KAZN: variants seen among roughly 807,000 people sequenced by gnomAD.
KAZN encodes the protein kazrin.
In KAZN, 40 loss-of-function variants were observed where a neutral mutation model predicts 87.4. That is an observed-to-expected ratio of 0.46 (90% CI 0.36 to 0.60). The LOEUF is 0.60. KAZN is among the 20% of genes least tolerant of loss of function. KAZN has a pLI of 0.00. For missense variants in KAZN, 898 were observed against 1,073.9 expected, an observed-to-expected ratio of 0.84 and a Z score of 2.29; for synonymous variants, 466 against 458.3, an observed-to-expected ratio of 1.02 and a Z score of -0.22.
At chr1:14,733,023 A>G (rs576907877) in intron 1 of KAZN, among the ~76,000 whole-genome samples, 20 of 152,120 alleles carry the variant, frequency 1.3e-4, no homozygotes, top group Non-Finnish European at 2.8e-4. Flanking sequence ...TTGGGAAGAA[A>G]TTCAAAAATG....
chr1:14,440,837 G>A (rs1447118405), intron 2 of KAZN, among the ~76,000 whole-genome samples: 3 of 152,164 alleles, frequency 2.0e-5, no homozygotes, highest in Non-Finnish European at 4.4e-5. Flanking sequence ...TGTTAAGTCA[G>A]GTGTCCAGGT....
At chr1:14,204,621 A>T (rs1031857669) in intron 2 of KAZN, among the ~76,000 whole-genome samples, 1 of 152,254 alleles carries the variant, frequency 6.6e-6, no homozygotes, top group Non-Finnish European at 1.5e-5. Context: ...ATATTTAGTC[A>T]TATGGCCTTA....
At chr1:14,139,517 G>T (rs1432231485) in intron 1 of KAZN, among the ~76,000 whole-genome samples, 1 of 152,254 alleles carries the variant, frequency 6.6e-6, no homozygotes, top group Non-Finnish European at 1.5e-5. Flanking sequence ...TTTTGTTGTT[G>T]TTCTTCCTCC....
chr1:14,173,992 A>T (rs1646013960), intron 1 of KAZN, among the ~76,000 whole-genome samples: 1 of 152,254 alleles, frequency 6.6e-6, no homozygotes, highest in South Asian at 2.1e-4. Flanking sequence ...GGTGACCAGC[A>T]TTGAATATTT....
intron 1 of KAZN, among the ~76,000 whole-genome samples, chr1:14,819,312 G>A (rs1212705700): frequency 6.6e-6 from 1 of 152,210 alleles, no homozygotes; most frequent in East Asian, 1.9e-4. Context: ...CTCTATGATA[G>A]TTAATTTACG....
intron 8 of KAZN, among the ~76,000 whole-genome samples, chr1:15,091,893 G>A (rs1323310834): frequency 6.6e-6 from 1 of 152,054 alleles, no homozygotes; most frequent in Admixed American, 6.6e-5. Context: ...ATTCTCCCCA[G>A]CACAGAAAGG....
chr1:14,926,160 C>T (rs1659149807), intron 1 of KAZN, among the ~76,000 whole-genome samples: 1 of 152,194 alleles, frequency 6.6e-6, no homozygotes, highest in Admixed American at 6.5e-5. Flanking sequence ...GATTGTGGCG[C>T]TCTCTGCTCC....
chr1:14,545,382 G>C (rs1157159315), intron 2 of KAZN, among the ~76,000 whole-genome samples: 1 of 152,192 alleles, frequency 6.6e-6, no homozygotes, highest in African/African-American at 2.4e-5. Context: ...TTAATTGCAA[G>C]CTCTGGAGAC....
At chr1:14,414,074 A>G (rs1025210870) in intron 2 of KAZN, among the ~76,000 whole-genome samples, 3 of 152,238 alleles carry the variant, frequency 2.0e-5, no homozygotes, top group South Asian at 2.1e-4. Context: ...TCCAAGGCCC[A>G]TAACATGCTT....
chr1:14,290,065 TC>T (rs1653560290), intron 2 of KAZN, among the ~76,000 whole-genome samples: 1 of 152,212 alleles, frequency 6.6e-6, no homozygotes, highest in Admixed American at 6.5e-5. Context: ...CTGATGGGCT[TC>T]CCTTTGTGGG....
At chr1:14,953,998 G>T (rs1332776796) in intron 1 of KAZN, among the ~76,000 whole-genome samples, 1 of 152,234 alleles carries the variant, frequency 6.6e-6, no homozygotes, top group Non-Finnish European at 1.5e-5. Flanking sequence ...AAGGAGATGG[G>T]CTGCAGAAGG....
chr1:14,058,805 C>A (rs371155679), intron 1 of KAZN, among the ~76,000 whole-genome samples: 1 of 152,154 alleles, frequency 6.6e-6, no homozygotes, highest in Non-Finnish European at 1.5e-5. Flanking sequence ...GATATTTAAG[C>A]TAATATTTGC....
intron 2 of KAZN, among the ~76,000 whole-genome samples, chr1:14,201,737 C>T (rs184981595): frequency 8.1e-4 from 123 of 152,302 alleles, no homozygotes; most frequent in Non-Finnish European, 1.2e-3. Flanking sequence ...GGCAGGATCT[C>T]GGCTCACTGC....
At chr1:14,500,335 T>G (rs1355268517) in intron 2 of KAZN, among the ~76,000 whole-genome samples, 1 of 152,168 alleles carries the variant, frequency 6.6e-6, no homozygotes. Context: ...CAAACGTATT[T>G]GCACACAGAA....
chr1:14,828,067 G>T (rs903923326), intron 1 of KAZN, among the ~76,000 whole-genome samples: 2 of 152,200 alleles, frequency 1.3e-5, no homozygotes, highest in Non-Finnish European at 2.9e-5. Flanking sequence ...GCCCTCCCCT[G>T]CCTGTGGCAG....
At chr1:14,626,496 T>C (rs2148651412) in intron 1 of KAZN, among the ~76,000 whole-genome samples, 1 of 152,336 alleles carries the variant, frequency 6.6e-6, no homozygotes, top group East Asian at 1.9e-4. Flanking sequence ...CCAGGTCAAG[T>C]GCCTTGCCCG....
chr1:14,428,320 G>A (rs577022167), intron 2 of KAZN, among the ~76,000 whole-genome samples: 1 of 152,210 alleles, frequency 6.6e-6, no homozygotes, highest in East Asian at 1.9e-4. Flanking sequence ...GCATTCTGTA[G>A]GATATACCCT....
chr1:14,427,506 T>C (rs969950191), intron 2 of KAZN, among the ~76,000 whole-genome samples: 1 of 148,924 alleles, frequency 6.7e-6, no homozygotes, highest in Non-Finnish European at 1.5e-5. Flanking sequence ...CAAATACCTA[T>C]AATTTAAACA....
chr1:14,880,053 C>T (rs987338824), intron 1 of KAZN, among the ~76,000 whole-genome samples: 1 of 152,096 alleles, frequency 6.6e-6, no homozygotes, highest in African/African-American at 2.4e-5. Context: ...ACCACATCAT[C>T]GGCACAGGAG....
Sources: gnomAD v4.1 joint callset for allele counts (sites outside exome capture counted in the v4.1 genomes callset) on GRCh38, gnomAD v4.1.1 for gene constraint, MANE v1.5 for transcripts, NCBI Gene and HGNC (gene_info 2026-07-23, HGNC 2026-07-21) for gene names.